NCAPD3: variants seen among roughly 807,000 people sequenced by gnomAD.
NCAPD3 encodes condensin-2 complex subunit D3.
In NCAPD3, 105 loss-of-function variants were observed where a neutral mutation model predicts 182.9. That is an observed-to-expected ratio of 0.57 (90% CI 0.49 to 0.68). The LOEUF is 0.68. Among genes scored for constraint, NCAPD3 ranks in the 30% least tolerant of loss-of-function variants. The pLI is 0.00. For missense variants in NCAPD3, 1,944 were observed against 1,837.0 expected, an observed-to-expected ratio of 1.06 and a Z score of -1.07; for synonymous variants, 815 against 679.9, an observed-to-expected ratio of 1.20 and a Z score of -3.09.
intron 24 of NCAPD3, 73 bp downstream of exon 24, chr11:134,176,234 A>T (rs1944160811): frequency 3.5e-6 from 5 of 1,418,890 alleles, no homozygotes; most frequent in East Asian, 2.3e-5. Flanking sequence ...ACCAATCTGA[A>T]AAAAAAAGAA....
chr11:134,154,997 G>A (rs754119195), intron 32 of NCAPD3, among the ~76,000 whole-genome samples: 3 of 152,174 alleles, frequency 2.0e-5, no homozygotes, highest in Non-Finnish European at 2.9e-5. Flanking sequence ...CTGTTTGGAA[G>A]CCCATATGCA....
chr11:134,223,383 T>C (rs925785087), intron 1 of NCAPD3: 6 of 701,834 alleles, frequency 8.5e-6, no homozygotes, highest in Non-Finnish European at 1.0e-5. Flanking sequence ...CCATGACTCC[T>C]GGGTTGGTGG....
chr11:134,200,938 C>G (rs1477457415), intron 13 of NCAPD3, among the ~76,000 whole-genome samples: 1 of 152,108 alleles, frequency 6.6e-6, no homozygotes, highest in Non-Finnish European at 1.5e-5. Flanking sequence ...ATGAATGAGC[C>G]TTGAAAACAC....
intron 13 of NCAPD3, among the ~76,000 whole-genome samples, chr11:134,200,384 TAA>T (rs1403182941): frequency 2.6e-5 from 4 of 152,022 alleles, no homozygotes; most frequent in African/African-American, 9.7e-5. Context: ...AACTCAAAAA[TAA>T]AAGATAACCC....
At position 134,192,707 on chromosome 11, in the gene NCAPD3, G is replaced by A; in HGVS notation, c.2027C>T (p.Thr676Ile). 1 of 1,614,106 alleles carries A rather than the reference G, an allele frequency of 6.2e-7. No homozygotes were observed. The highest frequency in any genetic ancestry group is 2.2e-5 in the East Asian group (1 of 44,880). ...AACCTACCTCAGTTCCTGGCTTTCGGTGGTGAGGAGAGTAAGAAGCGCCCA... is the reference window on the plus strand; with the variant it reads ...AACCTACCTCAGTTCCTGGCTTTCGATGGTGAGGAGAGTAAGAAGCGCCCA... Reference protein sequence around the residue: ...LAWALLTLLTTESQELSRYLN... With the variant: ...LAWALLTLLTIESQELSRYLN... The change falls in exon 16 of 35, where the codon ACC becomes ATC. Residue 676 changes from threonine (T) to isoleucine (I), a missense_variant. Transcript: ENST00000534548.
Position 134,206,587 on chromosome 11 carries a change from T to C in NCAPD3, c.1016+12A>G, listed in dbSNP as rs749401764. ...ACTGACAGGGTGAAAATTCACGATT[T>C]GTGTGCTTCACCTGATAAACTGGAC... On this transcript the variant is annotated intron_variant, in intron 8 of 34. Transcript: ENST00000534548. The C allele has an allele frequency of 7.4e-6, 12 of 1,613,028 alleles. No homozygotes were observed. Among genetic ancestry groups the C allele is most frequent in the Middle Eastern group, 3.3e-4 (2 of 6,076 alleles).
At chr11:134,170,200 G>A (rs940628226) in intron 24 of NCAPD3, among the ~76,000 whole-genome samples, 18 of 152,244 alleles carry the variant, frequency 1.2e-4, no homozygotes, top group South Asian at 4.2e-4. Flanking sequence ...TAGGAAATAC[G>A]GGAGCAGCTT....
intron 24 of NCAPD3, among the ~76,000 whole-genome samples, chr11:134,175,523 G>A (rs560110993): frequency 6.6e-6 from 1 of 152,266 alleles, no homozygotes; most frequent in South Asian, 2.1e-4. Context: ...GGAACTCAGG[G>A]TAAATTATTG....
At chr11:134,198,921 A>G (rs1370333920) in intron 13 of NCAPD3, among the ~76,000 whole-genome samples, 1 of 152,216 alleles carries the variant, frequency 6.6e-6, no homozygotes, top group Non-Finnish European at 1.5e-5. Flanking sequence ...AAACTACAAA[A>G]CATCACTGAT....
chr11:134,166,934 G>A (rs1319855155), intron 27 of NCAPD3, among the ~76,000 whole-genome samples: 1 of 129,126 alleles, frequency 7.7e-6, no homozygotes, highest in Non-Finnish European at 1.6e-5. Flanking sequence ...ATGAGCTTAG[G>A]GGAGCTGCAC....
chr11:134,191,926 A>G (rs895050025), intron 16 of NCAPD3, among the ~76,000 whole-genome samples: 2 of 152,242 alleles, frequency 1.3e-5, no homozygotes, highest in Non-Finnish European at 2.9e-5. Context: ...GTGAGCCTGC[A>G]TTCTCACTGT....
chr11:134,183,276 C>T, intron 19 of NCAPD3: 1 of 404,908 alleles, frequency 2.5e-6, no homozygotes, highest in Admixed American at 2.8e-5. Context: ...ACGTTAATTC[C>T]TCCTGATCAC....
chr11:134,172,382 C>T (rs1046510219), intron 24 of NCAPD3, among the ~76,000 whole-genome samples: 2 of 152,184 alleles, frequency 1.3e-5, no homozygotes, highest in African/African-American at 4.8e-5. Context: ...TGATGACTAC[C>T]CTGCTGATCC....
rs1944232713 is a variant in NCAPD3, at chr11:134,178,954, T to G, written c.2560-18A>C. ...TACTTCACCTACAAAGATAATTGGT[T>G]TTACAGTAAAAATAAGGCAAAAGAA... On this transcript the variant is annotated intron_variant, in intron 20 of 34. Coordinates refer to ENST00000534548, the MANE Select transcript of NCAPD3 (RefSeq NM_015261.3). The G allele has an allele frequency of 6.3e-7, 1 of 1,575,480 alleles. No individual in the cohort carries two copies. The highest frequency in any genetic ancestry group is 8.7e-7 in the Non-Finnish European group (1 of 1,146,126).
intron 15 of NCAPD3, 97 bp downstream of exon 15, chr11:134,193,919 A>G: frequency 7.7e-7 from 1 of 1,305,160 alleles, no homozygotes; most frequent in Non-Finnish European, 1.1e-6. Context: ...TAGAGTTTTT[A>G]AAGGTCAACT....
intron 13 of NCAPD3, among the ~76,000 whole-genome samples, chr11:134,195,215 C>T (rs1944603007): frequency 6.6e-6 from 1 of 152,192 alleles, no homozygotes; most frequent in African/African-American, 2.4e-5. Flanking sequence ...ATCCTCTCTC[C>T]TCAGCCTCCC....
At position 134,168,512 on chromosome 11, in the gene NCAPD3, T is replaced by A; in HGVS notation, c.3330A>T (p.Glu1110Asp). The part of the protein sequence containing the change: ...YKFLLEHFTD[E>D]QRFNITSKIC... ...TTTTGGAAGTGATGTTGAATCGCTG[T>A]TCATCTGTGAAGTGCTCTAGAAGAA... is the stretch of plus-strand genomic sequence containing the variant. Residue 1110 changes from glutamate to aspartate, a missense_variant, in exon 26 of 35, where the codon GAA becomes GAT. Glu to Asp is a conservative substitution (Grantham distance 45). This residue lies in a region of NCAPD3 where 1,803 missense variants were observed against 1,674.6 expected (regional missense o/e 1.08). Coordinates refer to ENST00000534548, the MANE Select transcript of NCAPD3 (RefSeq NM_015261.3). The A allele has an allele frequency of 6.2e-7, 1 of 1,614,234 alleles. No individual in the cohort carries two copies. Among genetic ancestry groups the A allele is most frequent in the Non-Finnish European group, 8.5e-7 (1 of 1,180,040 alleles).
chr11:134,176,905 A>G (rs951313632), intron 23 of NCAPD3, among the ~76,000 whole-genome samples: 4 of 152,232 alleles, frequency 2.6e-5, no homozygotes, highest in African/African-American at 4.8e-5. Context: ...GTCCAAGTTA[A>G]AAAAGAATAA....
chr11:134,189,660 TAATC>T (rs1292549289), intron 16 of NCAPD3, among the ~76,000 whole-genome samples: 3 of 152,220 alleles, frequency 2.0e-5, no homozygotes, highest in African/African-American at 7.2e-5. Flanking sequence ...AAGTTGTACA[TAATC>T]AATTTTTATA....
Sources: gnomAD v4.1 joint callset for allele counts (sites outside exome capture counted in the v4.1 genomes callset) on GRCh38, gnomAD v4.1.1 for gene constraint, gnomAD v4.1.1 regional missense constraint, MANE v1.5 for transcripts, NCBI Gene and HGNC (gene_info 2026-07-23, HGNC 2026-07-21) for gene names.